Variants in HOGA1 observed in about 807,000 individuals in gnomAD.
HOGA1 encodes the protein 4-hydroxy-2-oxoglutarate aldolase, mitochondrial.
Under a neutral mutation model 34.3 loss-of-function variants are expected in HOGA1, and 30 were observed. That is an observed-to-expected ratio of 0.87 (90% confidence interval 0.65 to 1.19). The LOEUF (loss-of-function observed/expected upper bound fraction) is 1.19. Ranked by LOEUF, HOGA1 falls within the 50% of genes most tolerant of loss-of-function variation. The probability of loss-of-function intolerance (pLI) is 0.00; values close to 1 mark genes in which losing one functional copy is unlikely to be tolerated. For missense variants in HOGA1, 417 were observed against 436.5 expected, an observed-to-expected ratio of 0.96 and a Z score of 0.40; for synonymous variants, 161 against 174.0, an observed-to-expected ratio of 0.93 and a Z score of 0.59.
chr10:97,607,836 G>A (rs1016863359), intron 6 of HOGA1, among the ~76,000 whole-genome samples: 1 of 152,032 alleles, frequency 6.6e-6, no homozygotes, highest in Admixed American at 6.6e-5. Flanking sequence ...ACATTAAAGT[G>A]GGTGAAAAAA....
intron 6 of HOGA1, among the ~76,000 whole-genome samples, chr10:97,608,542 C>T (rs550186656): frequency 7.2e-5 from 11 of 152,180 alleles, no homozygotes; most frequent in African/African-American, 2.2e-4. Flanking sequence ...CGGTGGCTCA[C>T]GCCTGTAATC....
rs201783447 is a variant in HOGA1 at position 97,590,551 on chromosome 10, G to A, written c.211+5637G>A. On this transcript the variant is annotated intron_variant, in intron 1 of 6. Coordinates refer to ENST00000370646, the MANE Select transcript of HOGA1 (RefSeq NM_138413.4). The stretch of plus-strand genomic sequence containing the variant: ...ACCCAAGCCACCAGAGCCACAGCCT[G>A]CCTAATCGCAGACACTAGATCTGTG... The A allele has an allele frequency of 2.0e-5, 32 of 1,611,834 alleles. No individual in the cohort carries two copies. In the East Asian group the frequency reaches 7.1e-4, roughly 36 times the overall value.
At chr10:97,588,714 C>A (rs536258716) in intron 1 of HOGA1, among the ~76,000 whole-genome samples, 3 of 152,176 alleles carry the variant, frequency 2.0e-5, no homozygotes, top group African/African-American at 7.2e-5. Context: ...GTGTCCTATT[C>A]CTTCCATACA....
chr10:97,591,948 C>T (rs1417473425), intron 1 of HOGA1, among the ~76,000 whole-genome samples: 6 of 151,166 alleles, frequency 4.0e-5, no homozygotes, highest in Non-Finnish European at 7.4e-5. Flanking sequence ...ATGCGGTTCT[C>T]ATGCCTCAGC....
intron 6 of HOGA1, chr10:97,602,523 T>C: frequency 1.0e-6 from 1 of 985,402 alleles, no homozygotes; most frequent in Non-Finnish European, 1.2e-6. Flanking sequence ...AGAACGCCCA[T>C]CAAGTTCAGG....
At chr10:97,601,504 G>C (rs2041116607) in intron 5 of HOGA1, among the ~76,000 whole-genome samples, 1 of 152,192 alleles carries the variant, frequency 6.6e-6, no homozygotes. Flanking sequence ...GGACTGATGA[G>C]TCAGGGGGCT....
chr10:97,594,168 CTTTTTTTTTT>C (rs71007354), intron 1 of HOGA1, among the ~76,000 whole-genome samples: 28 of 43,468 alleles, frequency 6.4e-4, no homozygotes, highest in African/African-American at 2.7e-3. Context: ...TGCGCCTGGT[CTTTTTTTTTT>C]TTTTTTTTTT....
intron 3 of HOGA1, 87 bp from the exon 4 acceptor site, chr10:97,599,593 G>A: frequency 6.4e-7 from 1 of 1,563,008 alleles, no homozygotes; most frequent in Middle Eastern, 2.2e-4. Flanking sequence ...AGTGAAGCAG[G>A]CTGGGACCTG....
At chr10:97,605,423 C>A (rs12766330) in intron 6 of HOGA1, among the ~76,000 whole-genome samples, 8 of 138,140 alleles carry the variant, frequency 5.8e-5, no homozygotes, top group Non-Finnish European at 3.2e-5. Flanking sequence ...AAAAAAAAAA[C>A]AAAAAACCAA....
intron 6 of HOGA1, 29 bp downstream of exon 6, chr10:97,602,019 T>C: frequency 1.3e-6 from 2 of 1,592,594 alleles, no homozygotes; most frequent in South Asian, 2.3e-5. Context: ...GGGCGCGGCC[T>C]GGCGGGGGGT....
chr10:97,587,682 A>G (rs531115196), intron 1 of HOGA1, among the ~76,000 whole-genome samples: 1 of 151,376 alleles, frequency 6.6e-6, no homozygotes, highest in South Asian at 2.1e-4. Context: ...TAATTTTTGT[A>G]TTTTTAGTAG....
chr10:97,589,108 T>G (rs2040996926), intron 1 of HOGA1, among the ~76,000 whole-genome samples: 1 of 152,098 alleles, frequency 6.6e-6, no homozygotes, highest in South Asian at 2.1e-4. Context: ...CTAGACCCGA[T>G]GAAGTCTCCT....
chr10:97,605,062 G>A (rs1338410522), intron 6 of HOGA1, among the ~76,000 whole-genome samples: 4 of 152,046 alleles, frequency 2.6e-5, no homozygotes, highest in African/African-American at 7.2e-5. Flanking sequence ...TTCTGGGATC[G>A]ATACACAGCA....
At chr10:97,602,131 G>C (rs1412669982) in intron 6 of HOGA1, 141 bp downstream of exon 6, 2 of 1,549,596 alleles carry the variant, frequency 1.3e-6, no homozygotes, top group Admixed American at 2.0e-5. Flanking sequence ...CCCAGTGTGG[G>C]AACTCCTTGT....
chr10:97,586,280 G>A (rs955454790), intron 1 of HOGA1, among the ~76,000 whole-genome samples: 2 of 152,168 alleles, frequency 1.3e-5, no homozygotes, highest in Admixed American at 6.6e-5. Flanking sequence ...AAGTGAAATC[G>A]TGCTATAAAT....
rs752551407 is a variant in HOGA1 at position 97,611,705 on chromosome 10, G to A, written c.*46G>A. On this transcript the variant is annotated 3_prime_UTR_variant, in exon 7 of 7. Coordinates refer to ENST00000370646, the MANE Select transcript of HOGA1 (RefSeq NM_138413.4). ...TGGCCTGAGCCCATCTCAGCCTCCT[G>A]CCTTGCACTTGCAGCCTGAAGCGGA... The A allele has an allele frequency of 4.4e-6, 7 of 1,589,318 alleles. 1 individual carries two copies. In the South Asian group the frequency reaches 7.8e-5, roughly 18 times the overall value.
At position 97,601,966 on chromosome 10, in the gene HOGA1, C is replaced by A. The variant is rs923565250; in HGVS notation, c.810C>A (p.His270Gln). Residue 270 changes from histidine (H) to glutamine (Q), a missense_variant, in exon 6 of 7, where the codon CAC becomes CAA. By Grantham distance (24) the His-to-Gln change is conservative. Coordinates refer to ENST00000370646, the MANE Select transcript of HOGA1 (RefSeq NM_138413.4). ...GGGAAGATGCCCAGAAACTGCAGCACCGCCTCATTGAGCCAAACGCTGCGG... is the reference window on the plus strand; with the variant it reads ...GGGAAGATGCCCAGAAACTGCAGCAACGCCTCATTGAGCCAAACGCTGCGG... ...GQWEDAQKLQHRLIEPNAAVT... is the reference protein window; with the variant it reads ...GQWEDAQKLQQRLIEPNAAVT... 3 of 1,612,732 alleles carry A rather than the reference C, an allele frequency of 1.9e-6. No individual in the cohort carries two copies. The highest frequency in any genetic ancestry group is 2.5e-6 in the Non-Finnish European group (3 of 1,179,734).
Position 97,590,436 on chromosome 10 carries a change from A to C in HOGA1, c.211+5522A>C, listed in dbSNP as rs368753194. ...GAGGAGGTAGAGATGAAGCTGCAAAAGAATTTCCTCACCCAGCGGGAAAAC... is the reference window on the plus strand; with the variant it reads ...GAGGAGGTAGAGATGAAGCTGCAAACGAATTTCCTCACCCAGCGGGAAAAC... On this transcript the variant is annotated intron_variant, in intron 1 of 6. Transcript: ENST00000370646. 6.2e-5 allele frequency: 100 copies of C among 1,614,072 alleles called. 1 individual carries two copies. In the African/African-American group the frequency reaches 1.2e-3, roughly 20 times the overall value.
chr10:97,604,513 A>T, intron 6 of HOGA1, among the ~76,000 whole-genome samples: 1 of 151,966 alleles, frequency 6.6e-6, no homozygotes, highest in Non-Finnish European at 1.5e-5. Flanking sequence ...TAGTAGAGAC[A>T]AGGTCTCGCT....
Sources: allele counts gnomAD v4.1 joint callset (sites outside exome capture counted in the v4.1 genomes callset), GRCh38; gene constraint gnomAD v4.1.1; transcripts MANE v1.5; gene names NCBI Gene and HGNC (gene_info 2026-07-23, HGNC 2026-07-21).